The following PRKAR1B variants were observed in gnomAD, a reference collection of about 807,000 sequenced individuals.
PRKAR1B encodes protein kinase cAMP-dependent type I regulatory subunit beta.
PRKAR1B carries 22 observed loss-of-function variants against 46.5 expected under a neutral mutation model. That is an observed-to-expected ratio of 0.47 (90% CI 0.34 to 0.68). The LOEUF is 0.68. Among genes scored for constraint, PRKAR1B ranks in the 30% least tolerant of loss-of-function variants. The pLI is 0.01. For missense variants in PRKAR1B, 445 were observed against 535.6 expected (o/e 0.83, Z 1.67); for synonymous variants, 259 against 217.7 (o/e 1.19, Z -1.67).
chr7:614,897 G>A (rs886876438), intron 4 of PRKAR1B, among the ~76,000 whole-genome samples: 3 of 152,104 alleles, frequency 2.0e-5, no homozygotes, highest in African/African-American at 7.2e-5. Flanking sequence ...GGGTGACAGA[G>A]CAAGACTTTG....
intron 7 of PRKAR1B, among the ~76,000 whole-genome samples, chr7:589,637 C>A (rs549145656): frequency 6.6e-6 from 1 of 152,190 alleles, no homozygotes; most frequent in African/African-American, 2.4e-5. Context: ...AGAACTGAAA[C>A]GGGACAATCT....
chr7:580,718 C>T (rs1583239433), intron 8 of PRKAR1B, among the ~76,000 whole-genome samples: 1 of 142,904 alleles, frequency 7.0e-6, no homozygotes, highest in East Asian at 2.1e-4. Flanking sequence ...AAATAATGAT[C>T]ACCTGATTAA....
intron 2 of PRKAR1B, among the ~76,000 whole-genome samples, chr7:685,717 T>G (rs1420909413): frequency 6.6e-6 from 1 of 152,030 alleles, no homozygotes; most frequent in East Asian, 1.9e-4. Context: ...AAACGAAGCC[T>G]CCAACATTCT....
At chr7:613,973 G>A (rs1011774855) in intron 4 of PRKAR1B, among the ~76,000 whole-genome samples, 2 of 152,254 alleles carry the variant, frequency 1.3e-5, no homozygotes, top group Non-Finnish European at 2.9e-5. Flanking sequence ...CACCAAGCGG[G>A]TGGGAGACAC....
chr7:691,398 C>T, intron 2 of PRKAR1B: 1 of 950,686 alleles, frequency 1.1e-6, no homozygotes, highest in South Asian at 1.4e-5. Flanking sequence ...TCCAAATCCC[C>T]TGCCTGGTCA....
At chr7:566,300 C>T (rs907530638) in intron 9 of PRKAR1B, among the ~76,000 whole-genome samples, 2 of 150,586 alleles carry the variant, frequency 1.3e-5, no homozygotes, top group Non-Finnish European at 3.0e-5. Flanking sequence ...TTCATCATCA[C>T]CATCATCATC....
intron 2 of PRKAR1B, among the ~76,000 whole-genome samples, chr7:689,804 C>T (rs1354500771): frequency 2.6e-5 from 4 of 151,876 alleles, no homozygotes; most frequent in East Asian, 2.0e-4. Flanking sequence ...CTCAGCCTCT[C>T]GAGTAGCTGG....
At chr7:583,505 A>T (rs1248867346) in intron 8 of PRKAR1B, among the ~76,000 whole-genome samples, 2 of 143,978 alleles carry the variant, frequency 1.4e-5, no homozygotes, top group African/African-American at 2.6e-5. Flanking sequence ...GCACACCCAT[A>T]CACACCCACA....
At chr7:585,274 C>T (rs551510452) in intron 7 of PRKAR1B, among the ~76,000 whole-genome samples, 1 of 152,284 alleles carries the variant, frequency 6.6e-6, no homozygotes, top group East Asian at 1.9e-4. Context: ...TCTAGGCAGT[C>T]AGCTCCAGCC....
At position 596,176 on chromosome 7, in the gene PRKAR1B, G is replaced by A. The variant is rs1357406667; in HGVS notation, c.678C>T (p.Ile226=). The A allele has an allele frequency of 1.4e-5, 23 of 1,613,770 alleles. No individual in the cohort carries two copies. Among genetic ancestry groups the A allele is most frequent in the East Asian group, 2.2e-5 (1 of 44,892 alleles). ...KAKTDLKLWG[I]DRDSYRRILM... ...GGATGCGCCGGTAGCTGTCCCGGTC[G>A]ATCCCCCAGAGCTTGAGGTCCGTCT... The change falls in exon 7 of 11, where the codon ATC becomes ATT. Residue 226 remains isoleucine (I), a synonymous_variant. Transcript: ENST00000537384.
At chr7:628,453 G>T (rs1783537173) in intron 4 of PRKAR1B, among the ~76,000 whole-genome samples, 1 of 152,246 alleles carries the variant, frequency 6.6e-6, no homozygotes, top group African/African-American at 2.4e-5. Flanking sequence ...CTTCTCCAAG[G>T]ATTTCATTCC....
intron 9 of PRKAR1B, chr7:561,871 C>G (rs1361356963): frequency 1.3e-5 from 2 of 152,254 alleles, no homozygotes; most frequent in Non-Finnish European, 2.9e-5. Context: ...GCGTCCGCCC[C>G]CGCCTGCATG....
chr7:713,460 C>T (rs958083409), intron 1 of PRKAR1B, among the ~76,000 whole-genome samples: 1 of 149,148 alleles, frequency 6.7e-6, no homozygotes, highest in South Asian at 2.1e-4. Flanking sequence ...CCCACTCACC[C>T]GTACACACCA....
At chr7:576,128 GGC>G (rs1274474623) in intron 9 of PRKAR1B, among the ~76,000 whole-genome samples, 1 of 148,200 alleles carries the variant, frequency 6.7e-6, no homozygotes, top group Admixed American at 6.7e-5. Context: ...CACACGGGCG[GGC>G]GTGCACGCTG....
At chr7:726,832 C>A (rs1274368246) in intron 1 of PRKAR1B, 32 of 1,329,470 alleles carry the variant, frequency 2.4e-5, no homozygotes, top group Middle Eastern at 2.8e-4. Context: ...GCTGCCGGGG[C>A]TGGAGGCCGA....
At chr7:662,914 C>T (rs1785693400) in intron 4 of PRKAR1B, among the ~76,000 whole-genome samples, 1 of 152,212 alleles carries the variant, frequency 6.6e-6, no homozygotes, top group African/African-American at 2.4e-5. Flanking sequence ...AAGCACCACC[C>T]TGTTCATCAC....
At chr7:583,999 A>C (rs1415245950) in intron 8 of PRKAR1B, among the ~76,000 whole-genome samples, 1 of 152,172 alleles carries the variant, frequency 6.6e-6, no homozygotes. Context: ...CCCTGGGCAC[A>C]CCTGAAACCC....
At chr7:691,247 A>G (rs1442149839) in intron 2 of PRKAR1B, among the ~76,000 whole-genome samples, 2 of 152,148 alleles carry the variant, frequency 1.3e-5, no homozygotes, top group Non-Finnish European at 2.9e-5. Flanking sequence ...TCCTACCCGA[A>G]GGGTCCCGCG....
chr7:626,692 G>GA (rs956969349), intron 4 of PRKAR1B, among the ~76,000 whole-genome samples: 7 of 142,688 alleles, frequency 4.9e-5, no homozygotes, highest in Non-Finnish European at 7.7e-5. Context: ...GATCTTGGAG[G>GA]AAAAAAAAAA....
Sources: allele counts gnomAD v4.1 joint callset (sites outside exome capture counted in the v4.1 genomes callset), GRCh38; gene constraint gnomAD v4.1.1; transcripts MANE v1.5; gene names NCBI Gene and HGNC (gene_info 2026-07-23, HGNC 2026-07-21).